The following LRP6 variants were observed in gnomAD, a reference collection of about 807,000 sequenced individuals.
LRP6 encodes the protein low-density lipoprotein receptor-related protein 6.
A neutral mutation model predicts 184.1 loss-of-function variants in LRP6; 43 were observed. The ratio of observed to expected loss-of-function variants is 0.23; its 90% CI spans 0.18 to 0.30. The LOEUF (loss-of-function observed/expected upper bound fraction) is 0.30, where lower values mean the gene tolerates loss of function less well. Ranked by LOEUF, LRP6 falls within the 10% of genes least tolerant of loss-of-function variation. LRP6 has a pLI of 1.00. For missense variants in LRP6, 1,571 were observed against 2,005.3 expected (o/e 0.78, Z 4.14); for synonymous variants, 719 against 684.9 (o/e 1.05, Z -0.78).
In LRP6 at chr12:12,117,071, A is replaced by T. The variant is rs1949528805; in HGVS notation, c.*4055T>A. The T allele has an allele frequency of 6.6e-6, 1 of 152,260 alleles. No individual in the cohort carries two copies. The highest frequency in any genetic ancestry group is 2.1e-4 in the South Asian group (1 of 4,834). The allele number at this position is 152,260 out of a possible 1,614,324, so 9.4% of individuals were successfully genotyped here. ...TTTGAAACTATTATAAAATGGTGCCATCCCAAAAGTCAGAAGCCACACATG... is the reference window on the plus strand; with the variant it reads ...TTTGAAACTATTATAAAATGGTGCCTTCCCAAAAGTCAGAAGCCACACATG... On this transcript the variant is annotated 3_prime_UTR_variant, in exon 23 of 23. Transcript: ENST00000261349.
intron 3 of LRP6, among the ~76,000 whole-genome samples, chr12:12,188,062 A>C (rs960096419): frequency 2.6e-5 from 4 of 152,034 alleles, no homozygotes; most frequent in Admixed American, 6.6e-5. Context: ...ATACAAAAAA[A>C]TTAGCCAGGC....
intron 7 of LRP6, among the ~76,000 whole-genome samples, chr12:12,172,891 A>G (rs557657562): frequency 1.2e-3 from 178 of 152,314 alleles, no homozygotes; most frequent in Non-Finnish European, 2.1e-3. Flanking sequence ...AGGTAGGGGC[A>G]ATTACAGTGC....
At chr12:12,180,102 GAA>G (rs377273579) in intron 6 of LRP6, 121 bp from the exon 7 acceptor site, 237 of 554,160 alleles carry the variant, frequency 4.3e-4, no homozygotes, top group South Asian at 5.3e-4. Context: ...CAAGGAAGGG[GAA>G]AAAAAAAAAA....
chr12:12,135,097 C>G, intron 17 of LRP6, 78 bp downstream of exon 17: 1 of 1,605,534 alleles, frequency 6.2e-7, no homozygotes. Context: ...ACTTCAATGC[C>G]TAGTCATAGA....
intron 12 of LRP6, among the ~76,000 whole-genome samples, chr12:12,152,613 A>G (rs1950097609): frequency 1.3e-5 from 2 of 152,040 alleles, no homozygotes; most frequent in Non-Finnish European, 2.9e-5. Context: ...ACTACCAACA[A>G]CTTCAAAGTC....
Position 12,207,412 on chromosome 12 carries a change from AGGAGGCTGAGGCAGG to A in LRP6, c.450-4027_450-4013del, listed in dbSNP as rs565776678. 8.2e-3 allele frequency among the ~76,000 whole-genome samples: 1,250 copies of A among 152,214 alleles called. 9 individuals carry two copies. The highest frequency in any genetic ancestry group is 0.028 in the African/African-American group (1,179 of 41,530). On this transcript the variant is annotated intron_variant, in intron 2 of 22. Coordinates refer to ENST00000261349, the MANE Select transcript of LRP6 (RefSeq NM_002336.3). Reference sequence around the variant, plus strand: ...TGTGCACCTGTAGTCCCAGCTACTCAGGAGGCTGAGGCAGGGGAGGCTGAGGCAGGGGAATCGCCT... The same window carrying A: ...TGTGCACCTGTAGTCCCAGCTACTCAGGAGGCTGAGGCAGGGGAATCGCCT...
intron 2 of LRP6, among the ~76,000 whole-genome samples, chr12:12,243,524 A>G (rs957456152): frequency 4.6e-5 from 7 of 152,178 alleles, no homozygotes; most frequent in African/African-American, 1.4e-4. Flanking sequence ...CTCTCTTTAA[A>G]TTATCTTCTG....
chr12:12,228,331 A>G (rs181306903), intron 2 of LRP6, among the ~76,000 whole-genome samples: 24 of 152,246 alleles, frequency 1.6e-4, no homozygotes, highest in Admixed American at 1.2e-3. Flanking sequence ...ACCACTGCAC[A>G]ACAGCCTAGG....
In LRP6 at chr12:12,117,428, A is replaced by G. The variant is rs1257957119; in HGVS notation, c.*3698T>C. ...AAGAGCTGACATATTTCGGATGTGAAAAGTCCAAGATTTTTGTTTCTGAAT... is the reference window on the plus strand; with the variant it reads ...AAGAGCTGACATATTTCGGATGTGAGAAGTCCAAGATTTTTGTTTCTGAAT... On this transcript the variant is annotated 3_prime_UTR_variant, in exon 23 of 23. Transcript: ENST00000261349. 6.6e-6 allele frequency: 1 copy of G among 152,252 alleles called. No individual in the cohort carries two copies. Among genetic ancestry groups the G allele is most frequent in the African/African-American group, 2.4e-5 (1 of 41,474 alleles). The allele number at this position is 152,252 out of a possible 1,614,324, so 9.4% of individuals were successfully genotyped here.
At chr12:12,180,937 T>C in intron 6 of LRP6, 106 bp downstream of exon 6, 2 of 1,218,468 alleles carry the variant, frequency 1.6e-6, no homozygotes, top group Middle Eastern at 1.9e-4. Flanking sequence ...TAAAGAGCTG[T>C]TTACTGGAAA....
chr12:12,172,648 G>A (rs1863075631), intron 7 of LRP6, among the ~76,000 whole-genome samples: 1 of 152,222 alleles, frequency 6.6e-6, no homozygotes, highest in Admixed American at 6.5e-5. Flanking sequence ...TGAATTAAAA[G>A]CTTATACATA....
chr12:12,215,062 G>A (rs1006247372), intron 2 of LRP6, among the ~76,000 whole-genome samples: 1 of 152,080 alleles, frequency 6.6e-6, no homozygotes. Flanking sequence ...CATCTTCCTG[G>A]CTGCAGCACC....
intron 7 of LRP6, among the ~76,000 whole-genome samples, chr12:12,177,547 G>A (rs192796053): frequency 9.2e-5 from 14 of 152,206 alleles, no homozygotes; most frequent in Middle Eastern, 6.8e-3. Flanking sequence ...TAATTTAGAC[G>A]AAGAGCTGCA....
intron 12 of LRP6, chr12:12,155,549 A>C (rs548431298): frequency 1.5e-4 from 108 of 743,676 alleles, no homozygotes; most frequent in Non-Finnish European, 1.9e-4. Context: ...TCAGCACGTT[A>C]AGCACGCTAA....
intron 4 of LRP6, among the ~76,000 whole-genome samples, chr12:12,185,577 A>G (rs949716748): frequency 2.0e-5 from 3 of 152,172 alleles, no homozygotes; most frequent in African/African-American, 4.8e-5. Flanking sequence ...TTATTTACAC[A>G]AAAGTGCCAA....
chr12:12,239,834 A>C (rs1020441478), intron 2 of LRP6, among the ~76,000 whole-genome samples: 1 of 152,130 alleles, frequency 6.6e-6, no homozygotes, highest in African/African-American at 2.4e-5. Context: ...AAAGGCATTC[A>C]GTTATACTAC....
intron 2 of LRP6, among the ~76,000 whole-genome samples, chr12:12,225,789 T>C (rs1864606943): frequency 6.6e-6 from 1 of 151,700 alleles, no homozygotes; most frequent in Non-Finnish European, 1.5e-5. Flanking sequence ...GGAGAATCGC[T>C]TGAACCCGGG....
intron 2 of LRP6, among the ~76,000 whole-genome samples, chr12:12,213,491 T>C (rs1304059691): frequency 6.6e-6 from 1 of 152,134 alleles, no homozygotes; most frequent in Admixed American, 6.5e-5. Context: ...TATTTTTCTT[T>C]GTCTTTTTTT....
chr12:12,233,393 G>A (rs994871768), intron 2 of LRP6, among the ~76,000 whole-genome samples: 2 of 152,082 alleles, frequency 1.3e-5, no homozygotes, highest in Non-Finnish European at 1.5e-5. Flanking sequence ...GCGTGAACCC[G>A]GGAGGCGGAG....
Sources: allele counts gnomAD v4.1 joint callset (sites outside exome capture counted in the v4.1 genomes callset), GRCh38; gene constraint gnomAD v4.1.1; transcripts MANE v1.5; gene names NCBI Gene and HGNC (gene_info 2026-07-23, HGNC 2026-07-21).